Variants in CDH12 observed in about 807,000 individuals in gnomAD.
CDH12 encodes the protein cadherin 12.
In CDH12, 41 loss-of-function variants were observed where a neutral mutation model predicts 74.1. That is an observed-to-expected ratio of 0.55 (90% CI 0.43 to 0.72). The LOEUF (loss-of-function observed/expected upper bound fraction) is 0.72. CDH12 is among the 30% of genes least tolerant of loss of function. The pLI is 0.00. For synonymous variants in CDH12, 399 were observed against 355.0 expected (o/e 1.12, Z -1.39); for missense variants, 945 against 977.2 (o/e 0.97, Z 0.44).
At chr5:22,756,490 G>T (rs1419223523) in intron 1 of CDH12, among the ~76,000 whole-genome samples, 1 of 151,794 alleles carries the variant, frequency 6.6e-6, no homozygotes, top group East Asian at 1.9e-4. Context: ...CATTTGTGAA[G>T]AATATTAAAA....
intron 2 of CDH12, among the ~76,000 whole-genome samples, chr5:22,448,420 T>C (rs1385891588): frequency 6.6e-6 from 1 of 151,820 alleles, no homozygotes; most frequent in East Asian, 1.9e-4. Flanking sequence ...CATAAAACTA[T>C]AATGAGATTC....
intron 6 of CDH12, among the ~76,000 whole-genome samples, chr5:21,880,756 C>A (rs547110160): frequency 1.6e-4 from 24 of 150,834 alleles, no homozygotes; most frequent in Non-Finnish European, 3.5e-4. Context: ...CACAGGCACT[C>A]ACTCGTTGTG....
chr5:22,654,447 C>T (rs182010944), intron 1 of CDH12, among the ~76,000 whole-genome samples: 8 of 151,170 alleles, frequency 5.3e-5, no homozygotes, highest in East Asian at 2.0e-4. Flanking sequence ...CTGCCTCCAC[C>T]GCCGGCTAAT....
At chr5:22,487,761 C>T (rs763343263) in intron 2 of CDH12, among the ~76,000 whole-genome samples, 7 of 152,176 alleles carry the variant, frequency 4.6e-5, no homozygotes, top group Non-Finnish European at 1.0e-4. Context: ...CTACCACCTG[C>T]ATGTGTTTTA....
intron 4 of CDH12, among the ~76,000 whole-genome samples, chr5:22,199,839 CA>C (rs1317669203): frequency 6.6e-6 from 1 of 152,180 alleles, no homozygotes; most frequent in Non-Finnish European, 1.5e-5. Flanking sequence ...GGGGCACTGA[CA>C]AAAAACATTT....
At chr5:21,938,717 A>AATATATATATATAT (rs1554046002) in intron 6 of CDH12, among the ~76,000 whole-genome samples, 1 of 106,694 alleles carries the variant, frequency 9.4e-6, no homozygotes, top group African/African-American at 4.8e-5. Flanking sequence ...TTATATATAT[A>AATATATATATATAT]ATATACATAT....
intron 3 of CDH12, among the ~76,000 whole-genome samples, chr5:22,293,487 A>C (rs933222627): frequency 7.9e-5 from 12 of 152,218 alleles, no homozygotes; most frequent in African/African-American, 2.9e-4. Context: ...AAAGAAAATA[A>C]AATCATTATG....
At chr5:22,537,600 G>C (rs999739249) in intron 1 of CDH12, among the ~76,000 whole-genome samples, 2 of 152,064 alleles carry the variant, frequency 1.3e-5, no homozygotes, top group African/African-American at 2.4e-5. Context: ...TGGCCGGAGA[G>C]ATGTCAGCCC....
chr5:22,465,622 G>A (rs943819222), intron 2 of CDH12, among the ~76,000 whole-genome samples: 1 of 152,064 alleles, frequency 6.6e-6, no homozygotes, highest in African/African-American at 2.4e-5. Flanking sequence ...CTCTAGCTTG[G>A]GCAACAGAGT....
intron 2 of CDH12, among the ~76,000 whole-genome samples, chr5:22,483,652 T>C (rs1746468286): frequency 1.4e-5 from 2 of 146,132 alleles, no homozygotes; most frequent in South Asian, 2.2e-4. Context: ...AACAGAAATA[T>C]AGGAAACCTT....
chr5:22,343,877 A>G (rs1324223341), intron 3 of CDH12, among the ~76,000 whole-genome samples: 3 of 152,178 alleles, frequency 2.0e-5, no homozygotes, highest in African/African-American at 7.2e-5. Context: ...TCTCTTTATT[A>G]ATTGCTCAGT....
chr5:21,909,030 G>T (rs1209929656), intron 6 of CDH12, among the ~76,000 whole-genome samples: 1 of 151,776 alleles, frequency 6.6e-6, no homozygotes, highest in Non-Finnish European at 1.5e-5. Context: ...TCTGTTTTTT[G>T]AATTCTATTC....
intron 1 of CDH12, among the ~76,000 whole-genome samples, chr5:22,611,420 G>A (rs1010408958): frequency 2.6e-4 from 40 of 152,084 alleles, no homozygotes; most frequent in Non-Finnish European, 5.4e-4. Flanking sequence ...GCATCACCCT[G>A]TTATCTTGGT....
At chr5:22,816,984 C>G (rs1322591109) in intron 1 of CDH12, among the ~76,000 whole-genome samples, 1 of 152,182 alleles carries the variant, frequency 6.6e-6, no homozygotes. Context: ...AACATTACTA[C>G]TTAGAACAGC....
chr5:22,153,137 A>C (rs550246985), intron 4 of CDH12, among the ~76,000 whole-genome samples: 2 of 151,402 alleles, frequency 1.3e-5, no homozygotes, highest in African/African-American at 4.8e-5. Context: ...CAGAAGAGAA[A>C]GTGCTGGGTC....
intron 11 of CDH12, among the ~76,000 whole-genome samples, chr5:21,775,180 A>G (rs1016810903): frequency 1.2e-4 from 18 of 152,146 alleles, no homozygotes; most frequent in African/African-American, 4.3e-4. Context: ...TTTTTTGAAA[A>G]CAAGTCTGGC....
rs768945480 is a variant in CDH12 at position 22,452,880 on chromosome 5, CAAAAA to C, written c.-427-47534_-427-47530del. ...ATAAGAAACTCAAACAACCTAAGAG[CAAAAA>C]AAAAAAAAAAAAAAAAAAATGAGTT... On this transcript the variant is annotated intron_variant, in intron 2 of 14. Coordinates refer to ENST00000382254, the MANE Select transcript of CDH12 (RefSeq NM_004061.5). Among the ~76,000 whole-genome samples, 5 of 32,202 alleles carry C rather than the reference CAAAAA, an allele frequency of 1.6e-4. No homozygotes were observed. The East Asian group carries it at 3.3e-3, about 22-fold the overall frequency. The allele number at this position is 32,202 out of a possible 152,430, so 21.1% of individuals were successfully genotyped here.
At chr5:22,238,064 C>T (rs1752621828) in intron 3 of CDH12, among the ~76,000 whole-genome samples, 1 of 152,150 alleles carries the variant, frequency 6.6e-6, no homozygotes, top group South Asian at 2.1e-4. Flanking sequence ...AGGCATGGAG[C>T]CAGCATCTTT....
chr5:22,794,655 C>G (rs941861598), intron 1 of CDH12, among the ~76,000 whole-genome samples: 1 of 152,136 alleles, frequency 6.6e-6, no homozygotes, highest in Non-Finnish European at 1.5e-5. Context: ...AAAACACAAA[C>G]AAAGGAATAG....
Sources: gnomAD v4.1 joint callset for allele counts (sites outside exome capture counted in the v4.1 genomes callset) on GRCh38, gnomAD v4.1.1 for gene constraint, MANE v1.5 for transcripts, NCBI Gene and HGNC (gene_info 2026-07-23, HGNC 2026-07-21) for gene names.